The following PEX6 variants were observed in gnomAD, a reference collection of about 807,000 sequenced individuals.
The protein encoded by PEX6 is peroxisomal biogenesis factor 6.
Under a neutral mutation model 85.6 loss-of-function variants are expected in PEX6, and 55 were observed. That is an observed-to-expected ratio of 0.64 (90% CI 0.52 to 0.80). PEX6 has a LOEUF of 0.80. PEX6 is among the 30% of genes least tolerant of loss of function. The pLI is 0.00. For synonymous variants in PEX6, 519 were observed against 549.1 expected, an observed-to-expected ratio of 0.95 and a Z score of 0.77; for missense variants, 1,099 against 1,260.3, an observed-to-expected ratio of 0.87 and a Z score of 1.94.
In PEX6 at chr6:42,971,160, G is replaced by A. The variant is rs1161067723; in HGVS notation, c.1131-1173C>T. On this transcript the variant is annotated intron_variant, in intron 3 of 16. Transcript: ENST00000304611. This position sits in a 1 kb window ranked among gnomAD's most constrained non-coding sequence, Gnocchi z 4.4. ...AAGGGGTGTGAGAGTGCAGCAAGGT[G>A]GAGGGGAAGCATACCAGGTTAGTAT... 6.6e-6 allele frequency among the ~76,000 whole-genome samples: 1 copy of A among 152,186 alleles called. No individual in the cohort carries two copies. Among genetic ancestry groups the A allele is most frequent in the African/African-American group, 2.4e-5 (1 of 41,440 alleles).
chr6:42,965,891 T>G lies in PEX6; in HGVS notation c.2363-102A>C. ...AAACTGGGGCCTGACAATACAGCAC[T>G]GGCATCCCAGGTACTAGACCCAGCT... On this transcript the variant is annotated intron_variant, in intron 12 of 16. Transcript: ENST00000304611. This position sits in a 1 kb window ranked among gnomAD's most constrained non-coding sequence, Gnocchi z 5.0. 2 of 1,287,114 alleles carry G rather than the reference T, an allele frequency of 1.6e-6. No homozygotes were observed. The highest frequency in any genetic ancestry group is 2.4e-5 in the South Asian group (2 of 84,166). 79.7% of individuals were successfully genotyped at this position (1,287,114 alleles called of 1,614,324 possible). A position where few individuals can be genotyped will look rare whatever the true frequency, so the allele number is the denominator to read the frequency against.
In PEX6 at chr6:42,967,471, G is replaced by T. The variant is rs1769876870; in HGVS notation, c.1781C>A (p.Pro594His). Residue 594 changes from proline to histidine, a missense_variant, in exon 8 of 17, where the codon CCT becomes CAT. This residue lies in a region of PEX6 where 514 missense variants were observed against 627.0 expected (regional missense o/e 0.82). Coordinates refer to ENST00000304611, the MANE Select transcript of PEX6 (RefSeq NM_000287.4). ...GAGCCGCTGCCCCTCTGACAGAGCA[G>T]GCACCTCGAGCTCATGAGGAAATGC... ...QTAFPHELEV[P>H]ALSEGQRLSI... 6.2e-7 allele frequency: 1 copy of T among 1,611,682 alleles called. No homozygotes were observed. Among genetic ancestry groups the T allele is most frequent in the African/African-American group, 1.3e-5 (1 of 74,918 alleles).
intron 7 of PEX6, among the ~76,000 whole-genome samples, chr6:42,967,966 G>A (rs1193873570): frequency 8.1e-6 from 1 of 124,122 alleles, no homozygotes; most frequent in Non-Finnish European, 1.7e-5. Flanking sequence ...TTTTTTTTAA[G>A]ACTGAGTCTT....
At chr6:42,976,462 A>C (rs1044536720) in intron 1 of PEX6, among the ~76,000 whole-genome samples, 1 of 152,122 alleles carries the variant, frequency 6.6e-6, no homozygotes, top group African/African-American at 2.4e-5. Context: ...TCCCAGGTTC[A>C]AGCGATTCTC....
Position 42,968,372 on chromosome 6 carries a change from G to C in PEX6, c.1606C>G (p.Arg536Gly). 2 of 1,614,128 alleles carry C rather than the reference G, an allele frequency of 1.2e-6. No homozygotes were observed. Among genetic ancestry groups the C allele is most frequent in the Middle Eastern group, 1.6e-4 (1 of 6,062 alleles). ...LLLTAVDLLG[R>G]DRDGLGEDAR... ...TCCTCACCCAGCCCATCACGGTCCC[G>C]GCCCAGAAGGTCCACAGCTGTGAGC... The change falls in exon 7 of 17, where the codon CGG becomes GGG. Residue 536 changes from arginine (R) to glycine (G), a missense_variant. By Grantham distance (125) the Arg-to-Gly change is moderately radical (BLOSUM62 -2). This residue lies in a region of PEX6 where 514 missense variants were observed against 627.0 expected (regional missense o/e 0.82). Transcript: ENST00000304611.
chr6:42,968,837 G>A (rs1294056238), intron 6 of PEX6, 37 bp downstream of exon 6: 1 of 1,416,246 alleles, frequency 7.1e-7, no homozygotes, highest in African/African-American at 1.4e-5. Flanking sequence ...GCTGGGGAGG[G>A]GAAGTAGCTG....
chr6:42,977,071 G>A (rs981917772), intron 1 of PEX6, among the ~76,000 whole-genome samples: 2 of 152,108 alleles, frequency 1.3e-5, no homozygotes, highest in African/African-American at 4.8e-5. Context: ...TGAGGGAAAG[G>A]AGGGTAGGAT....
chr6:42,972,803 C>T (rs1770113729), intron 3 of PEX6, among the ~76,000 whole-genome samples: 1 of 150,262 alleles, frequency 6.7e-6, no homozygotes, highest in Non-Finnish European at 1.5e-5. Flanking sequence ...AATCCCTCTC[C>T]TGTTTTCAGA....
At position 42,964,420 on chromosome 6, in the gene PEX6, TG is replaced by T. The variant is rs765712779; in HGVS notation, c.2857del (p.Gln953ArgfsTer102). 1.2e-6 allele frequency: 2 copies of T among 1,613,716 alleles called. No homozygotes were observed. The highest frequency in any genetic ancestry group is 2.7e-5 in the African/African-American group (2 of 74,946). On this transcript the variant is annotated frameshift_variant, in exon 17 of 17. Transcript: ENST00000304611. LOFTEE classifies it high-confidence loss of function. This position sits in a 1 kb window ranked among gnomAD's most constrained non-coding sequence, Gnocchi z 4.6. ...TGAGGGTTGCAGCCGGGCGGCAGCC[TG>T]CAGCAAGTCCTCCATGGTGAGCATC... ...ALMLTMEDLL[Q>X]AAARLQPSVS...
intron 1 of PEX6, among the ~76,000 whole-genome samples, chr6:42,977,251 C>CCA (rs34536442): frequency 1.0e-4 from 13 of 126,672 alleles, no homozygotes; most frequent in South Asian, 2.4e-4. Context: ...TGAAACCTCA[C>CCA]TTTTTTTTTT....
rs1439667922 is a variant in PEX6, at chr6:42,966,800, G to A, written c.1943C>T (p.Thr648Ile). ...CTCTTACCCTGAGTTCTTGATCCTG[G>A]TGCAGGCTGCCCGGCTGCTGTGGGT... ...LLTHSSRAAC[T>I]RIKNSGLAGG... The change falls in exon 9 of 17, where the codon ACC becomes ATC. Residue 648 changes from threonine (T) to isoleucine (I), a missense_variant. Thr to Ile is a moderately conservative substitution (Grantham distance 89). Transcript: ENST00000304611. 3.1e-6 allele frequency: 5 copies of A among 1,613,536 alleles called. No homozygotes were observed. The East Asian group carries it at 6.7e-5, about 22-fold the overall frequency.
In PEX6 at chr6:42,971,079, G is replaced by T. The variant is rs1024020113; in HGVS notation, c.1131-1092C>A. Among the ~76,000 whole-genome samples the T allele has an allele frequency of 4.6e-5, 7 of 152,158 alleles. No individual in the cohort carries two copies. The highest frequency in any genetic ancestry group is 1.4e-4 in the African/African-American group (6 of 41,446). On this transcript the variant is annotated intron_variant, in intron 3 of 16. Transcript: ENST00000304611. The surrounding 1 kb of genome is among the most constrained non-coding windows in gnomAD (Gnocchi z 4.4). ...GTCCTCTTTAAGGTCCAATCAGGCT[G>T]CAAATTCCTCTGCTCACACTGCCCC...
chr6:42,974,161 C>G, intron 2 of PEX6, 75 bp from the exon 3 acceptor site: 1 of 1,105,820 alleles, frequency 9.0e-7, no homozygotes, highest in South Asian at 1.2e-5. Context: ...ATGTCCACCC[C>G]CGACATGCAG....
rs1770431550 is a variant in PEX6 at position 42,978,846 on chromosome 6, G to A, written c.305C>T (p.Ala102Val). The A allele has an allele frequency of 2.6e-6, 4 of 1,513,156 alleles. No homozygotes were observed. The Admixed American group carries it at 8.3e-5, about 31-fold the overall frequency. 93.7% of individuals were successfully genotyped at this position (1,513,156 alleles called of 1,614,324 possible). A position where few individuals can be genotyped will look rare whatever the true frequency, so the allele number is the denominator to read the frequency against. Residue 102 changes from alanine to valine, a missense_variant, in exon 1 of 17, where the codon GCG becomes GTG. Transcript: ENST00000304611. Reference sequence around the variant, plus strand: ...GGTGCCAAGCAGTGCCCAACCTAGCGCCGGGGGCCGCCGCACCGCCCGCGC... The same window carrying A: ...GGTGCCAAGCAGTGCCCAACCTAGCACCGGGGGCCGCCGCACCGCCCGCGC... ...VRARAVRRPP[A>V]LGWALLGTSL... is the part of the protein sequence containing the mutation.
At chr6:42,970,022 G>A in intron 3 of PEX6, 35 bp from the exon 4 acceptor site, 2 of 1,571,480 alleles carry the variant, frequency 1.3e-6, no homozygotes, top group Non-Finnish European at 8.8e-7. Context: ...CCCAGATCCA[G>A]AGTCCAAAAA....
chr6:42,965,447 A>G lies in PEX6; in HGVS notation c.2472-79T>C. 1 of 1,139,974 alleles carries G rather than the reference A, an allele frequency of 8.8e-7. No individual in the cohort carries two copies. Among genetic ancestry groups the G allele is most frequent in the South Asian group, 1.2e-5 (1 of 81,078 alleles). The allele number at this position is 1,139,974 out of a possible 1,614,324, so 70.6% of individuals were successfully genotyped here. A position where few individuals can be genotyped will look rare whatever the true frequency, so the allele number is the denominator to read the frequency against. ...CCCTGCCTGTGGTACCTCTCTTTAC[A>G]GGCAGTCTCAACAGGGCCCTCCACT... is the stretch of plus-strand genomic sequence containing the variant. On this transcript the variant is annotated intron_variant, in intron 13 of 16. Transcript: ENST00000304611. The surrounding 1 kb of genome is among the most constrained non-coding windows in gnomAD (Gnocchi z 5.0).
At position 42,965,599 on chromosome 6, in the gene PEX6, TGGAC is replaced by T; in HGVS notation, c.2471+78_2471+81del. 9.7e-7 allele frequency: 1 copy of T among 1,030,936 alleles called. No individual in the cohort carries two copies. The highest frequency in any genetic ancestry group is 1.6e-5 in the African/African-American group (1 of 63,744). 63.9% of individuals were successfully genotyped at this position (1,030,936 alleles called of 1,614,324 possible). ...CTGAAACAGCAGGAACTTCTATCTCTGGACTCTGAAGACTGCTGTGAGCTTTCTC... is the reference window on the plus strand; with the variant it reads ...CTGAAACAGCAGGAACTTCTATCTCTTCTGAAGACTGCTGTGAGCTTTCTC... On this transcript the variant is annotated intron_variant, in intron 13 of 16. Transcript: ENST00000304611. The surrounding 1 kb of genome is among the most constrained non-coding windows in gnomAD (Gnocchi z 5.0).
intron 3 of PEX6, among the ~76,000 whole-genome samples, chr6:42,973,229 C>T (rs1162644772): frequency 6.6e-6 from 1 of 151,882 alleles, no homozygotes; most frequent in East Asian, 2.0e-4. Flanking sequence ...CCAGGCTGGT[C>T]TTGAATTCCT....
Position 42,974,017 on chromosome 6 carries a change from T to A in PEX6, c.1116A>T (p.Pro372=), listed in dbSNP as rs532009370. 2.5e-6 allele frequency: 4 copies of A among 1,613,822 alleles called. No individual in the cohort carries two copies. The highest frequency in any genetic ancestry group is 3.4e-6 in the Non-Finnish European group (4 of 1,179,680). ...IGQVEILEGS[P]EKLPRWREMF... ...CAGCTGCATACCTGGGCAGTTTCTC[T>A]GGACTTCCTTCCAGGATCTCTACTT... Residue 372 remains proline, a synonymous_variant, in exon 3 of 17, where the codon CCA becomes CCT. Transcript: ENST00000304611.
Sources: allele counts gnomAD v4.1 joint callset (sites outside exome capture counted in the v4.1 genomes callset), GRCh38; gene constraint gnomAD v4.1.1; regional missense constraint gnomAD v4.1.1; non-coding constraint Gnocchi (gnomAD v3.1); transcripts MANE v1.5; gene names NCBI Gene and HGNC (gene_info 2026-07-23, HGNC 2026-07-21).